Variants in NEXN observed in about 807,000 individuals in gnomAD.
The protein encoded by NEXN is nexilin.
In NEXN, 65 loss-of-function variants were observed where a neutral mutation model predicts 92.6. The observed-to-expected ratio is 0.70, with a 90% CI of 0.57 to 0.86. The LOEUF is 0.86. Among genes scored for constraint, NEXN ranks in the 40% least tolerant of loss-of-function variants. NEXN has a pLI of 0.00. For missense variants in NEXN, 778 were observed against 771.1 expected, an observed-to-expected ratio of 1.01 and a Z score of -0.11; for synonymous variants, 254 against 242.5, an observed-to-expected ratio of 1.05 and a Z score of -0.44.
intron 1 of NEXN, among the ~76,000 whole-genome samples, chr1:77,911,475 C>T (rs1184565887): frequency 6.6e-6 from 1 of 151,992 alleles, no homozygotes; most frequent in African/African-American, 2.4e-5. Context: ...ACCTGTAATC[C>T]CAGCTACTTG....
chr1:77,894,967 C>T (rs1194714354), intron 1 of NEXN, among the ~76,000 whole-genome samples: 2 of 151,116 alleles, frequency 1.3e-5, no homozygotes, highest in Admixed American at 6.6e-5. Context: ...CCACCTGCCT[C>T]AGCCTCCCAA....
chr1:77,905,616 G>A (rs1648057032), intron 1 of NEXN, among the ~76,000 whole-genome samples: 1 of 152,118 alleles, frequency 6.6e-6, no homozygotes, highest in African/African-American at 2.4e-5. Flanking sequence ...GGATATAATG[G>A]TGTACAAAAC....
intron 1 of NEXN, among the ~76,000 whole-genome samples, chr1:77,902,829 C>A (rs1044840749): frequency 1.3e-5 from 2 of 152,022 alleles, no homozygotes; most frequent in African/African-American, 4.8e-5. Flanking sequence ...GTCTCAGAGA[C>A]TGAAGGAGAA....
chr1:77,892,318 C>A (rs913309926), intron 1 of NEXN, among the ~76,000 whole-genome samples: 2 of 152,040 alleles, frequency 1.3e-5, no homozygotes, highest in African/African-American at 4.8e-5. Context: ...ACCTGTCACC[C>A]AAATAGTGTA....
intron 1 of NEXN, among the ~76,000 whole-genome samples, chr1:77,902,092 T>C (rs1647762304): frequency 1.3e-5 from 2 of 152,228 alleles, no homozygotes; most frequent in African/African-American, 4.8e-5. Context: ...CCTAGCACAT[T>C]ATAGAAAAAT....
In NEXN at chr1:77,933,245, A is replaced by T. The variant is rs376628316; in HGVS notation, c.1054-37A>T. ...AAATAGTCCCTTTTTAGTATGTGTA[A>T]TTCTGGCCAGAGTGATAAAATAATT... On this transcript the variant is annotated intron_variant, in intron 9 of 12. Transcript: ENST00000334785. The T allele has an allele frequency of 1.0e-4, 127 of 1,250,762 alleles. No homozygotes were observed. In the East Asian group the frequency reaches 1.5e-3, roughly 15 times the overall value. The allele number at this position is 1,250,762 out of a possible 1,614,324, so 77.5% of individuals were successfully genotyped here. A position where few individuals can be genotyped will look rare whatever the true frequency, so the allele number is the denominator to read the frequency against.
At chr1:77,889,236 A>C (rs1281304058) in intron 1 of NEXN, 1 of 152,492 alleles carries the variant, frequency 6.6e-6, no homozygotes, top group East Asian at 1.9e-4. Context: ...CTCTGCCAGC[A>C]GTGCCAGTTA....
chr1:77,908,291 G>T (rs186586492), intron 1 of NEXN, among the ~76,000 whole-genome samples: 21 of 151,876 alleles, frequency 1.4e-4, no homozygotes, highest in African/African-American at 5.1e-4. Flanking sequence ...GCCCAAGCTG[G>T]TCTCAAACTC....
At chr1:77,919,179 C>T (rs1416030085) in intron 5 of NEXN, among the ~76,000 whole-genome samples, 1 of 152,136 alleles carries the variant, frequency 6.6e-6, no homozygotes, top group East Asian at 1.9e-4. Flanking sequence ...GACTTATTCA[C>T]TACCATGAGA....
At chr1:77,920,816 T>C (rs182606067) in intron 5 of NEXN, among the ~76,000 whole-genome samples, 1 of 152,002 alleles carries the variant, frequency 6.6e-6, no homozygotes, top group African/African-American at 2.4e-5. Context: ...GAAGGAGATG[T>C]TGAAAAGAAA....
intron 1 of NEXN, among the ~76,000 whole-genome samples, chr1:77,901,371 TTTG>T (rs1247811822): frequency 6.6e-6 from 1 of 152,188 alleles, no homozygotes; most frequent in Non-Finnish European, 1.5e-5. Context: ...TAAATAATGG[TTTG>T]TTATTGTTAC....
At chr1:77,937,339 T>G (rs571375258) in intron 11 of NEXN, among the ~76,000 whole-genome samples, 2 of 152,046 alleles carry the variant, frequency 1.3e-5, no homozygotes, top group Admixed American at 1.3e-4. Context: ...CAGACAGATA[T>G]TGTCTATATA....
chr1:77,899,259 A>C (rs1335435456), intron 1 of NEXN, among the ~76,000 whole-genome samples: 15 of 152,102 alleles, frequency 9.9e-5, no homozygotes, highest in South Asian at 2.1e-4. Flanking sequence ...GAACCAACCC[A>C]AATGTCCAAC....
intron 1 of NEXN, among the ~76,000 whole-genome samples, chr1:77,896,824 G>C (rs1360084380): frequency 6.6e-6 from 1 of 151,268 alleles, no homozygotes; most frequent in South Asian, 2.1e-4. Flanking sequence ...ATGATAAAGG[G>C]GATATCACCA....
intron 11 of NEXN, among the ~76,000 whole-genome samples, chr1:77,939,515 A>G (rs1041802931): frequency 6.6e-6 from 1 of 152,240 alleles, no homozygotes; most frequent in Non-Finnish European, 1.5e-5. Context: ...TTCAATCAGC[A>G]TGCACTTGCT....
intron 10 of NEXN, among the ~76,000 whole-genome samples, chr1:77,934,482 G>A (rs1385261346): frequency 6.6e-6 from 1 of 152,202 alleles, no homozygotes; most frequent in Admixed American, 6.5e-5. Flanking sequence ...TTGAATTTGT[G>A]TGTTGTATGT....
intron 10 of NEXN, among the ~76,000 whole-genome samples, chr1:77,934,345 A>C (rs940158770): frequency 6.6e-6 from 1 of 151,824 alleles, no homozygotes; most frequent in Non-Finnish European, 1.5e-5. Context: ...GGGTGATCGC[A>C]CTTTATTGCC....
chr1:77,903,835 G>A (rs1650385831), intron 1 of NEXN, among the ~76,000 whole-genome samples: 4 of 152,096 alleles, frequency 2.6e-5, no homozygotes, highest in Admixed American at 2.6e-4. Context: ...TGAGGTGGGA[G>A]GATTGCTTGA....
intron 5 of NEXN, among the ~76,000 whole-genome samples, chr1:77,919,992 C>T (rs1488835844): frequency 1.3e-5 from 2 of 152,002 alleles, no homozygotes; most frequent in East Asian, 1.9e-4. Context: ...CTCTGCCTCC[C>T]GGATTCAAGC....
Sources: gnomAD v4.1 joint callset for allele counts (sites outside exome capture counted in the v4.1 genomes callset) on GRCh38, gnomAD v4.1.1 for gene constraint, MANE v1.5 for transcripts, NCBI Gene and HGNC (gene_info 2026-07-23, HGNC 2026-07-21) for gene names.